Variants in C6orf58 observed in about 807,000 individuals in gnomAD.
C6orf58 encodes protein LEG1 homolog.
In C6orf58, 30 loss-of-function variants were observed where a neutral mutation model predicts 37.0. The ratio of observed to expected loss-of-function variants is 0.81; its 90% CI spans 0.61 to 1.10. C6orf58 has a LOEUF of 1.10. Ranked by LOEUF, C6orf58 falls within the 50% of genes least tolerant of loss-of-function variation. The pLI is 0.00. For missense variants in C6orf58, 368 were observed against 387.5 expected (o/e 0.95, Z 0.42); for synonymous variants, 143 against 134.1 (o/e 1.07, Z -0.46).
At chr6:127,580,698 G>A (rs1044350926) in intron 3 of C6orf58, among the ~76,000 whole-genome samples, 1 of 152,006 alleles carries the variant, frequency 6.6e-6, no homozygotes, top group African/African-American at 2.4e-5. Context: ...GAGCATACAG[G>A]ATATTTTGCT....
intron 5 of C6orf58, among the ~76,000 whole-genome samples, chr6:127,590,949 CA>C (rs1198259383): frequency 3.3e-5 from 5 of 151,978 alleles, no homozygotes; most frequent in African/African-American, 9.7e-5. Context: ...GCAAAAACAT[CA>C]AGTCTGAAAG....
intron 4 of C6orf58, among the ~76,000 whole-genome samples, chr6:127,585,539 T>A (rs1775098274): frequency 6.6e-6 from 1 of 152,174 alleles, no homozygotes; most frequent in Admixed American, 6.6e-5. Flanking sequence ...GAAGACAACA[T>A]GAAGCACAGG....
intron 5 of C6orf58, 50 bp from the exon 6 acceptor site, chr6:127,591,493 T>G: frequency 6.9e-7 from 1 of 1,454,540 alleles, no homozygotes; most frequent in Non-Finnish European, 9.1e-7. Context: ...CAAAAGGTAC[T>G]TTAAAAAATT....
intron 5 of C6orf58, among the ~76,000 whole-genome samples, chr6:127,590,997 C>A (rs1344582516): frequency 2.6e-5 from 4 of 152,068 alleles, no homozygotes; most frequent in Admixed American, 6.6e-5. Flanking sequence ...ATAAATTAAA[C>A]CTATGTTTAA....
intron 5 of C6orf58, 75 bp from the exon 6 acceptor site, chr6:127,591,468 T>A (rs1335648921): frequency 7.9e-7 from 1 of 1,265,496 alleles, no homozygotes; most frequent in African/African-American, 1.6e-5. Context: ...AATAAAATTA[T>A]GAGCCATATA....
chr6:127,578,677 C>G lies in C6orf58; in HGVS notation c.302-9C>G. The G allele has an allele frequency of 6.2e-7, 1 of 1,604,660 alleles. No homozygotes were observed. Among genetic ancestry groups the G allele is most frequent in the Non-Finnish European group, 8.5e-7 (1 of 1,172,182 alleles). On this transcript the variant is annotated splice_polypyrimidine_tract_variant and intron_variant, in intron 1 of 5. Transcript: ENST00000329722. ...TAATAAATACGACTGTGCATCCTCT[C>G]TCCTCCAGGCAGATTAGCTGATCCA...
chr6:127,586,673 C>T (rs1470228626), intron 4 of C6orf58, among the ~76,000 whole-genome samples: 2 of 151,106 alleles, frequency 1.3e-5, no homozygotes, highest in Non-Finnish European at 3.0e-5. Context: ...TGAGCTCACC[C>T]AGTTTCCAGA....
chr6:127,577,227 C>T lies in C6orf58; in HGVS notation c.42C>T (p.Ser14=). The change falls in exon 1 of 6, where the codon TCC becomes TCT. Residue 14 remains serine, a synonymous_variant. Coordinates refer to ENST00000329722, the MANE Select transcript of C6orf58 (RefSeq NM_001010905.3). ...CCTGGGTTTGTGTACTAGTTGGTTC[C>T]TTTTCTGCTTCCTTAGCAGGGACTT... ...LPSWVCVLVG[S]FSASLAGTSN... 9 of 1,613,490 alleles carry T rather than the reference C, an allele frequency of 5.6e-6. No individual in the cohort carries two copies. The highest frequency in any genetic ancestry group is 7.6e-6 in the Non-Finnish European group (9 of 1,179,630).
chr6:127,579,421 C>T (rs906962733), intron 2 of C6orf58, among the ~76,000 whole-genome samples: 1 of 152,048 alleles, frequency 6.6e-6, no homozygotes, highest in Admixed American at 6.6e-5. Context: ...TAAGCATTTT[C>T]CACTTACTAC....
In C6orf58 at chr6:127,580,231, G is replaced by A. The variant is rs1239481370; in HGVS notation, c.389-34G>A. 4 of 1,515,026 alleles carry A rather than the reference G, an allele frequency of 2.6e-6. No individual in the cohort carries two copies. The Admixed American group carries it at 5.2e-5, about 20-fold the overall frequency. The allele number at this position is 1,515,026 out of a possible 1,614,324, so 93.8% of individuals were successfully genotyped here. On this transcript the variant is annotated intron_variant, in intron 2 of 5. Coordinates refer to ENST00000329722, the MANE Select transcript of C6orf58 (RefSeq NM_001010905.3). ...AATATCCTCTTTGAAATTTGTTAGT[G>A]CTTGTAGTAATAGTAAATCTTTTGT...
chr6:127,580,982 A>G (rs983999600), intron 3 of C6orf58, among the ~76,000 whole-genome samples, 200 bp from the exon 4 acceptor site: 1 of 152,092 alleles, frequency 6.6e-6, no homozygotes, highest in African/African-American at 2.4e-5. Flanking sequence ...ATAGATGCAT[A>G]TGCTATTATT....
chr6:127,590,387 A>G (rs1775150055), intron 5 of C6orf58, 62 bp downstream of exon 5: 1 of 1,010,122 alleles, frequency 9.9e-7, no homozygotes, highest in South Asian at 1.5e-5. Flanking sequence ...AGAGGAAGAA[A>G]TAATAATTAA....
In C6orf58 at chr6:127,590,286, G is replaced by T. The variant is rs1554202103; in HGVS notation, c.874G>T (p.Val292Phe). 1 of 1,612,230 alleles carries T rather than the reference G, an allele frequency of 6.2e-7. No individual in the cohort carries two copies. The highest frequency in any genetic ancestry group is 8.5e-7 in the Non-Finnish European group (1 of 1,179,306). ...DFTAFQNVVLVLLNMLDNVDK... is the reference protein window; with the variant it reads ...DFTAFQNVVLFLLNMLDNVDK... The stretch of plus-strand genomic sequence containing the variant: ...TACTGCTTTTCAGAATGTAGTCCTG[G>T]TTCTTCTAAATATGCTTGACAATGT... Residue 292 changes from valine (V) to phenylalanine (F), a missense_variant, in exon 5 of 6, where the codon GTT (valine) becomes TTT (phenylalanine). Val to Phe is a conservative substitution (Grantham distance 50). Coordinates refer to ENST00000329722, the MANE Select transcript of C6orf58 (RefSeq NM_001010905.3).
At chr6:127,579,334 G>A (rs1775023489) in intron 2 of C6orf58, among the ~76,000 whole-genome samples, 1 of 151,982 alleles carries the variant, frequency 6.6e-6, no homozygotes, top group Non-Finnish European at 1.5e-5. Flanking sequence ...CAAATCCTTA[G>A]AGGTATTTCT....
chr6:127,588,878 G>T (rs1057011558), intron 4 of C6orf58, among the ~76,000 whole-genome samples: 9 of 151,932 alleles, frequency 5.9e-5, no homozygotes, highest in Admixed American at 2.0e-4. Flanking sequence ...ATCTTTGCTT[G>T]GTAGGTGACT....
rs549332559 is a variant in C6orf58 at position 127,586,472 on chromosome 6, C to T, written c.675-3615C>T. 2.6e-5 allele frequency among the ~76,000 whole-genome samples: 4 copies of T among 152,302 alleles called. No individual in the cohort carries two copies. In the East Asian group the frequency reaches 7.7e-4, roughly 29 times the overall value. ...TGTAAGGTGCAAATTCCCTGTGGCT[C>T]CACCCCATGCTGCCAGTGAGCATGC... On this transcript the variant is annotated intron_variant, in intron 4 of 5. Transcript: ENST00000329722.
intron 4 of C6orf58, among the ~76,000 whole-genome samples, chr6:127,583,170 A>G (rs1280334700): frequency 6.6e-6 from 1 of 152,210 alleles, no homozygotes; most frequent in African/African-American, 2.4e-5. Flanking sequence ...TTAGATTTAA[A>G]CAGGCAATCT....
intron 4 of C6orf58, 109 bp downstream of exon 4, chr6:127,581,391 T>C: frequency 2.5e-6 from 1 of 403,646 alleles, no homozygotes; most frequent in Non-Finnish European, 4.3e-6. Flanking sequence ...TTATATTAAA[T>C]AATAAGCCTA....
intron 4 of C6orf58, among the ~76,000 whole-genome samples, chr6:127,581,837 T>A (rs1342604331): frequency 1.3e-5 from 2 of 152,148 alleles, no homozygotes; most frequent in Non-Finnish European, 2.9e-5. Context: ...GAAATTTGCC[T>A]TGTATAGGCA....
Sources: gnomAD v4.1 joint callset for allele counts (sites outside exome capture counted in the v4.1 genomes callset) on GRCh38, gnomAD v4.1.1 for gene constraint, MANE v1.5 for transcripts, NCBI Gene and HGNC (gene_info 2026-07-23, HGNC 2026-07-21) for gene names.